RSRC1: variants seen among roughly 807,000 people sequenced by gnomAD.
RSRC1 encodes arginine and serine rich coiled-coil 1, also known as serine/Arginine-related protein 53.
Under a neutral mutation model 49.1 loss-of-function variants are expected in RSRC1, and 39 were observed. The observed-to-expected ratio is 0.79, with a 90% CI of 0.61 to 1.04. The LOEUF is 1.04. Ranked by LOEUF, RSRC1 falls within the 50% of genes least tolerant of loss-of-function variation. RSRC1 has a pLI of 0.00. For missense variants in RSRC1, 388 were observed against 402.4 expected (o/e 0.96, Z 0.31); for synonymous variants, 143 against 130.8 (o/e 1.09, Z -0.63).
intron 3 of RSRC1, among the ~76,000 whole-genome samples, chr3:158,144,532 C>T (rs1716958040): frequency 3.3e-5 from 5 of 152,178 alleles, no homozygotes; most frequent in African/African-American, 9.7e-5. Flanking sequence ...TCCAGTCTAT[C>T]ACTGATGGAC....
intron 5 of RSRC1, among the ~76,000 whole-genome samples, chr3:158,342,229 T>A (rs1248705740): frequency 2.0e-5 from 3 of 152,104 alleles, no homozygotes; most frequent in Non-Finnish European, 4.4e-5. Flanking sequence ...GGACATGACA[T>A]TTGGAAGGGC....
chr3:158,173,712 C>T (rs1719019900), intron 3 of RSRC1, among the ~76,000 whole-genome samples: 1 of 151,900 alleles, frequency 6.6e-6, no homozygotes, highest in Non-Finnish European at 1.5e-5. Context: ...AACAAATGCT[C>T]ATCAACTGAT....
At chr3:158,163,463 T>C (rs1048318190) in intron 3 of RSRC1, among the ~76,000 whole-genome samples, 6 of 152,036 alleles carry the variant, frequency 3.9e-5, no homozygotes, top group African/African-American at 1.4e-4. Context: ...ATTGAAGAGG[T>C]TGAAATTTAG....
chr3:158,286,325 A>C (rs1423146242), intron 4 of RSRC1, among the ~76,000 whole-genome samples: 1 of 152,228 alleles, frequency 6.6e-6, no homozygotes, highest in African/African-American at 2.4e-5. Context: ...AGTGTGATCT[A>C]CTGAATCTCT....
intron 6 of RSRC1, among the ~76,000 whole-genome samples, chr3:158,413,339 C>T (rs1447799883): frequency 1.3e-5 from 2 of 152,122 alleles, no homozygotes; most frequent in East Asian, 3.8e-4. Context: ...AAAATTAACT[C>T]AAGATGGATT....
intron 4 of RSRC1, among the ~76,000 whole-genome samples, chr3:158,215,950 A>G (rs1190849265): frequency 6.6e-6 from 1 of 151,436 alleles, no homozygotes; most frequent in Non-Finnish European, 1.5e-5. Context: ...ACTTTTAATT[A>G]TTTTTCATCT....
intron 6 of RSRC1, among the ~76,000 whole-genome samples, chr3:158,406,754 T>C (rs4679827): frequency 0.52 from 79,004 of 151,864 alleles, 20,996 homozygotes; most frequent in African/African-American, 0.61. Context: ...ACTAATCTAG[T>C]GGAAGTCCCA....
chr3:158,322,615 C>A (rs928813666), intron 5 of RSRC1, among the ~76,000 whole-genome samples: 4 of 152,144 alleles, frequency 2.6e-5, no homozygotes, highest in African/African-American at 9.7e-5. Flanking sequence ...CATTGGTCTT[C>A]AGTTATTTGT....
rs537362410 is a variant in RSRC1, at chr3:158,424,132, A to G, written c.584-36803A>G. On this transcript the variant is annotated intron_variant, in intron 6 of 9. Transcript: ENST00000611884. ...ATGTTGAATAGGAGTAGGAGTGGTG[A>G]GAGAGGGCATCCCTGTCTTGTGCCA... 4.6e-5 allele frequency among the ~76,000 whole-genome samples: 7 copies of G among 152,238 alleles called. No individual in the cohort carries two copies. In the East Asian group the frequency reaches 1.4e-3, roughly 29 times the overall value.
intron 7 of RSRC1, among the ~76,000 whole-genome samples, chr3:158,517,653 C>T (rs1440839617): frequency 6.7e-6 from 1 of 149,266 alleles, no homozygotes; most frequent in Non-Finnish European, 1.5e-5. Context: ...AGTGCAGTGG[C>T]ATGATCATGG....
At chr3:158,337,345 C>T (rs1729970297) in intron 5 of RSRC1, among the ~76,000 whole-genome samples, 1 of 152,206 alleles carries the variant, frequency 6.6e-6, no homozygotes, top group South Asian at 2.1e-4. Context: ...AGTCCCACAT[C>T]AGCATTTTAA....
At chr3:158,119,232 C>G (rs1004322083) in intron 1 of RSRC1, among the ~76,000 whole-genome samples, 3 of 152,056 alleles carry the variant, frequency 2.0e-5, no homozygotes, top group African/African-American at 7.2e-5. Flanking sequence ...TCTTAAATTC[C>G]TGATCCTTTC....
At chr3:158,252,343 T>TC (rs1330342281) in intron 4 of RSRC1, among the ~76,000 whole-genome samples, 1 of 150,732 alleles carries the variant, frequency 6.6e-6, no homozygotes, top group East Asian at 2.0e-4. Flanking sequence ...TTGTATTTTT[T>TC]TTAAGTAGAG....
rs141249703 is a variant in RSRC1 at position 158,386,174 on chromosome 3, G to A, written c.583+31266G>A. 1.6e-3 allele frequency among the ~76,000 whole-genome samples: 246 copies of A among 151,906 alleles called. 1 individual carries two copies. Among genetic ancestry groups the A allele is most frequent in the African/African-American group, 5.8e-3 (240 of 41,462 alleles). Reference sequence around the variant, plus strand: ...CATACAGTATATGCTTTAAAAAAAGGCATTTTTTAAAAAAGCTGTTTTTTG... The same window carrying A: ...CATACAGTATATGCTTTAAAAAAAGACATTTTTTAAAAAAGCTGTTTTTTG... On this transcript the variant is annotated intron_variant, in intron 6 of 9. Transcript: ENST00000611884.
At chr3:158,482,743 C>A (rs1240118028) in intron 7 of RSRC1, among the ~76,000 whole-genome samples, 1 of 151,946 alleles carries the variant, frequency 6.6e-6, no homozygotes, top group Admixed American at 6.6e-5. Flanking sequence ...GTATAGTAAA[C>A]AATCTAATAC....
rs986135132 is a variant in RSRC1, at chr3:158,127,063, C to A, written c.320+3072C>A. 7.9e-5 allele frequency among the ~76,000 whole-genome samples: 12 copies of A among 152,154 alleles called. No homozygotes were observed. In the East Asian group the frequency reaches 2.3e-3, roughly 29 times the overall value. ...GCTGCTTTCAAGATTCTCTCTTTGC[C>A]TTTAACTTTTGTTAATTAGATTATA... On this transcript the variant is annotated intron_variant, in intron 3 of 9. Coordinates refer to ENST00000611884, the MANE Select transcript of RSRC1 (RefSeq NM_001271838.2).
chr3:158,484,763 A>G (rs28669117), intron 7 of RSRC1, among the ~76,000 whole-genome samples: 31,135 of 152,008 alleles, frequency 0.2, 3,757 homozygotes, highest in African/African-American at 0.34. Flanking sequence ...GTATACATAA[A>G]GAGAGACCTA....
chr3:158,511,527 G>A (rs1740176935), intron 7 of RSRC1, among the ~76,000 whole-genome samples: 1 of 152,128 alleles, frequency 6.6e-6, no homozygotes, highest in South Asian at 2.1e-4. Context: ...TATCATTGTT[G>A]GACATTTGGG....
intron 7 of RSRC1, among the ~76,000 whole-genome samples, chr3:158,474,270 G>A (rs955481827): frequency 2.6e-5 from 4 of 151,966 alleles, no homozygotes; most frequent in African/African-American, 7.2e-5. Context: ...TTTGTTTCCC[G>A]TAAAAGTTAT....
Sources: gnomAD v4.1 joint callset for allele counts (sites outside exome capture counted in the v4.1 genomes callset) on GRCh38, gnomAD v4.1.1 for gene constraint, MANE v1.5 for transcripts, NCBI Gene and HGNC (gene_info 2026-07-23, HGNC 2026-07-21) for gene names.